The following CAMKMT variants were observed in gnomAD, a reference collection of about 807,000 sequenced individuals.
CAMKMT encodes CaM KMT.
Under a neutral mutation model 48.0 loss-of-function variants are expected in CAMKMT, and 53 were observed. The observed-to-expected ratio is 1.10, with a 90% confidence interval of 0.89 to 1.39. The LOEUF is 1.39. Ranked by LOEUF, CAMKMT falls within the 40% of genes most tolerant of loss-of-function variation. The pLI is 0.00. For synonymous variants in CAMKMT, 165 were observed against 152.3 expected (o/e 1.08, Z -0.61); for missense variants, 428 against 402.7 (o/e 1.06, Z -0.54).
At position 44,590,458 on chromosome 2, in the gene CAMKMT, G is replaced by A. The variant is rs529191348; in HGVS notation, c.377-113825G>A. On this transcript the variant is annotated intron_variant, in intron 3 of 10. Transcript: ENST00000378494. Reference sequence around the variant, plus strand: ...TTTAATGATTGCCATTCTATCTGGCGTGAGATGGTATCTCATTGTGGTTTT... The same window carrying A: ...TTTAATGATTGCCATTCTATCTGGCATGAGATGGTATCTCATTGTGGTTTT... Among the ~76,000 whole-genome samples, 324 of 152,196 alleles carry A rather than the reference G, an allele frequency of 2.1e-3. 1 individual carries two copies. Among genetic ancestry groups the A allele is most frequent in the African/African-American group, 6.7e-3 (280 of 41,532 alleles).
At chr2:44,433,210 T>A (rs1182313247) in intron 3 of CAMKMT, among the ~76,000 whole-genome samples, 1 of 152,310 alleles carries the variant, frequency 6.6e-6, no homozygotes, top group Admixed American at 6.5e-5. Context: ...AATACATATA[T>A]ATATCCTTTT....
rs558795291 is a variant in CAMKMT at position 44,486,724 on chromosome 2, C to T, written c.376+96419C>T. 7.2e-5 allele frequency among the ~76,000 whole-genome samples: 11 copies of T among 152,292 alleles called. No individual in the cohort carries two copies. In the East Asian group the frequency reaches 2.1e-3, roughly 29 times the overall value. The stretch of plus-strand genomic sequence containing the variant: ...ATACCGCTTCTTCCAGAAAGCCTTC[C>T]CAGGCCCATCAGTTTGGGCCAAATG... On this transcript the variant is annotated intron_variant, in intron 3 of 10. Coordinates refer to ENST00000378494, the MANE Select transcript of CAMKMT (RefSeq NM_024766.5).
At chr2:44,668,509 C>G (rs1048925899) in intron 3 of CAMKMT, among the ~76,000 whole-genome samples, 1 of 152,204 alleles carries the variant, frequency 6.6e-6, no homozygotes, top group African/African-American at 2.4e-5. Context: ...CCTCTTGACT[C>G]CACAGTGCCC....
intron 3 of CAMKMT, among the ~76,000 whole-genome samples, chr2:44,665,148 G>A (rs538975435): frequency 1.3e-5 from 2 of 152,266 alleles, no homozygotes; most frequent in Non-Finnish European, 2.9e-5. Context: ...TCGGCTCACT[G>A]CAACCTCTGC....
intron 7 of CAMKMT, among the ~76,000 whole-genome samples, chr2:44,742,840 A>C (rs1412232328): frequency 1.6e-4 from 24 of 152,200 alleles, no homozygotes; most frequent in Non-Finnish European, 2.9e-5. Context: ...TTAAAGAATC[A>C]AAATAGAAAA....
At chr2:44,524,384 A>ATAATTATTTTAT (rs1468614514) in intron 3 of CAMKMT, among the ~76,000 whole-genome samples, 2 of 152,078 alleles carry the variant, frequency 1.3e-5, no homozygotes, top group Non-Finnish European at 2.9e-5. Context: ...ATGCTTGGAG[A>ATAATTATTTTAT]TAATTATTTT....
intron 7 of CAMKMT, among the ~76,000 whole-genome samples, chr2:44,717,806 C>T (rs655746): frequency 2.0e-5 from 3 of 149,468 alleles, no homozygotes; most frequent in Admixed American, 6.7e-5. Context: ...AAAGGAAAGT[C>T]GTGGTATGAG....
chr2:44,470,754 G>C (rs191566548), intron 3 of CAMKMT, among the ~76,000 whole-genome samples: 1 of 152,030 alleles, frequency 6.6e-6, no homozygotes, highest in Non-Finnish European at 1.5e-5. Context: ...GAAATTGTCA[G>C]TTGGCAAAAA....
At chr2:44,522,208 T>C (rs1671152808) in intron 3 of CAMKMT, among the ~76,000 whole-genome samples, 2 of 152,116 alleles carry the variant, frequency 1.3e-5, no homozygotes, top group African/African-American at 4.8e-5. Context: ...GGTTTCACTG[T>C]ATTAGCCGGG....
intron 7 of CAMKMT, among the ~76,000 whole-genome samples, chr2:44,731,268 G>T (rs1011081061): frequency 6.6e-6 from 1 of 152,146 alleles, no homozygotes; most frequent in Non-Finnish European, 1.5e-5. Flanking sequence ...TTGAACCCAG[G>T]GGGCAGAGGT....
chr2:44,741,801 G>A (rs769152486), intron 7 of CAMKMT, among the ~76,000 whole-genome samples: 6 of 152,132 alleles, frequency 3.9e-5, no homozygotes, highest in Non-Finnish European at 8.8e-5. Context: ...TATCTCTCCA[G>A]TTTGTCTTTG....
intron 3 of CAMKMT, among the ~76,000 whole-genome samples, chr2:44,686,285 C>T (rs1287013323): frequency 1.3e-5 from 2 of 150,834 alleles, no homozygotes; most frequent in African/African-American, 2.4e-5. Flanking sequence ...CCCAGCTACT[C>T]GGGAGGCTGA....
chr2:44,429,828 AAAG>A lies in CAMKMT; in HGVS notation c.376+39525_376+39527del, dbSNP rs1468821697. ...GTCTCAAAAAAAAAAAAAAAAAAAA[AAAG>A]ACAAAAGAATAAAACCTATCAGAGT... is the stretch of plus-strand genomic sequence containing the variant. On this transcript the variant is annotated intron_variant, in intron 3 of 10. Coordinates refer to ENST00000378494, the MANE Select transcript of CAMKMT (RefSeq NM_024766.5). Among the ~76,000 whole-genome samples the A allele has an allele frequency of 2.7e-4, 41 of 150,920 alleles. No homozygotes were observed. In the East Asian group the frequency reaches 6.2e-3, roughly 23 times the overall value.
chr2:44,443,810 G>T (rs192456045), intron 3 of CAMKMT, among the ~76,000 whole-genome samples: 111 of 152,266 alleles, frequency 7.3e-4, no homozygotes, highest in African/African-American at 2.6e-3. Context: ...TGCGAAGGGA[G>T]TTCATCCGTT....
At chr2:44,496,036 A>T (rs1380995093) in intron 3 of CAMKMT, among the ~76,000 whole-genome samples, 1 of 152,170 alleles carries the variant, frequency 6.6e-6, no homozygotes, top group Non-Finnish European at 1.5e-5. Flanking sequence ...CTGCATTCAG[A>T]GTAAGGCCAT....
At chr2:44,581,519 T>C (rs1162144479) in intron 3 of CAMKMT, among the ~76,000 whole-genome samples, 1 of 152,220 alleles carries the variant, frequency 6.6e-6, no homozygotes, top group Non-Finnish European at 1.5e-5. Flanking sequence ...CCAACTGGAT[T>C]AAAAAATAAA....
intron 3 of CAMKMT, among the ~76,000 whole-genome samples, chr2:44,480,402 A>C (rs1014491593): frequency 1.3e-5 from 2 of 152,198 alleles, no homozygotes; most frequent in Non-Finnish European, 2.9e-5. Context: ...AACATTAAAA[A>C]AATTTTCCCT....
At chr2:44,700,601 A>G (rs1271743841) in intron 3 of CAMKMT, among the ~76,000 whole-genome samples, 1 of 152,232 alleles carries the variant, frequency 6.6e-6, no homozygotes, top group Non-Finnish European at 1.5e-5. Context: ...TGGAGAAGTC[A>G]GAACACACAC....
intron 2 of CAMKMT, among the ~76,000 whole-genome samples, chr2:44,382,360 CATTATGTT>C (rs1680335212): frequency 6.6e-6 from 1 of 151,992 alleles, no homozygotes; most frequent in African/African-American, 2.4e-5. Context: ...GACAAAGAAT[CATTATGTT>C]ATTATGATTG....
Sources: gnomAD v4.1 joint callset for allele counts (sites outside exome capture counted in the v4.1 genomes callset) on GRCh38, gnomAD v4.1.1 for gene constraint, MANE v1.5 for transcripts, NCBI Gene and HGNC (gene_info 2026-07-23, HGNC 2026-07-21) for gene names.